The following GPC6 variants were observed in gnomAD, a reference collection of about 807,000 sequenced individuals.
GPC6 encodes glypican-6.
A neutral mutation model predicts 55.2 loss-of-function variants in GPC6; 14 were observed. The ratio of observed to expected loss-of-function variants is 0.25; its 90% CI spans 0.17 to 0.40. The LOEUF is 0.40. Ranked by LOEUF, GPC6 falls within the 10% of genes least tolerant of loss-of-function variation. The pLI, the probability that GPC6 is intolerant of heterozygous loss-of-function variation, is 1.00. For missense variants in GPC6, 641 were observed against 708.5 expected (o/e 0.90, Z 1.08); for synonymous variants, 278 against 259.6 (o/e 1.07, Z -0.68).
In GPC6 at chr13:94,306,118, C is replaced by A. The variant is rs771182029; in HGVS notation, c.1147C>A (p.Arg383=). The A allele has an allele frequency of 1.2e-6, 2 of 1,614,096 alleles. No individual in the cohort carries two copies. The highest frequency in any genetic ancestry group is 3.3e-5 in the Admixed American group (2 of 60,018). The change falls in exon 6 of 9, where the codon CGG becomes AGG. Residue 383 remains arginine (R), a synonymous_variant. Coordinates refer to ENST00000377047, the MANE Select transcript of GPC6 (RefSeq NM_005708.5). ...PTTAAGTSLD[R]LVTDIKEKLK... The stretch of plus-strand genomic sequence containing the variant: ...AACTGCTGCAGGCACAAGCTTGGAC[C>A]GGCTGGTGAGTATTCACAGATTGAT...
intron 3 of GPC6, among the ~76,000 whole-genome samples, chr13:93,933,649 T>C (rs1878291222): frequency 6.6e-6 from 1 of 152,218 alleles, no homozygotes; most frequent in African/African-American, 2.4e-5. Flanking sequence ...GAAGAATGGT[T>C]GGCATATATT....
At chr13:93,682,045 G>T (rs1881863125) in intron 2 of GPC6, among the ~76,000 whole-genome samples, 1 of 151,878 alleles carries the variant, frequency 6.6e-6, no homozygotes, top group African/African-American at 2.4e-5. Context: ...GAAAATATTG[G>T]CTCATAACTA....
intron 3 of GPC6, among the ~76,000 whole-genome samples, chr13:93,910,708 A>G (rs987262737): frequency 2.0e-5 from 3 of 152,234 alleles, no homozygotes; most frequent in African/African-American, 7.2e-5. Flanking sequence ...GCATCAGGAA[A>G]GGGAGGGATT....
intron 2 of GPC6, among the ~76,000 whole-genome samples, chr13:93,583,662 C>T (rs1346019232): frequency 6.6e-6 from 1 of 152,140 alleles, no homozygotes; most frequent in Non-Finnish European, 1.5e-5. Context: ...GGTGATCCAC[C>T]GCCTCTGTCT....
chr13:93,972,179 A>C (rs377275728), intron 3 of GPC6, among the ~76,000 whole-genome samples: 1 of 152,174 alleles, frequency 6.6e-6, no homozygotes, highest in African/African-American at 2.4e-5. Flanking sequence ...CCCCAAGCAC[A>C]CTTCACTTTG....
intron 1 of GPC6, among the ~76,000 whole-genome samples, chr13:93,363,138 A>ATTTTT (rs1881106917): frequency 8.7e-6 from 1 of 114,306 alleles, no homozygotes; most frequent in African/African-American, 3.4e-5. Flanking sequence ...TGTTTTTTTT[A>ATTTTT]AAATTATTAT....
At chr13:93,656,586 T>A (rs1438818637) in intron 2 of GPC6, among the ~76,000 whole-genome samples, 2 of 152,134 alleles carry the variant, frequency 1.3e-5, no homozygotes, top group Non-Finnish European at 2.9e-5. Flanking sequence ...CAGTTTTCAC[T>A]CATTTCTGCT....
chr13:93,619,767 A>G (rs1014675829), intron 2 of GPC6, among the ~76,000 whole-genome samples: 1 of 151,936 alleles, frequency 6.6e-6, no homozygotes, highest in Non-Finnish European at 1.5e-5. Flanking sequence ...ATATCTTACA[A>G]TTTTGTATTA....
chr13:94,224,153 G>A (rs1178234204), intron 4 of GPC6, among the ~76,000 whole-genome samples: 1 of 151,786 alleles, frequency 6.6e-6, no homozygotes, highest in African/African-American at 2.4e-5. Flanking sequence ...GAAAACATGT[G>A]TGTTAGATAA....
chr13:93,834,801 G>T (rs2138988672), intron 3 of GPC6, among the ~76,000 whole-genome samples: 1 of 152,196 alleles, frequency 6.6e-6, no homozygotes, highest in South Asian at 2.1e-4. Context: ...GTTCCATATT[G>T]TGCTAAGTGA....
At chr13:94,397,943 A>G (rs1880963023) in intron 7 of GPC6, among the ~76,000 whole-genome samples, 1 of 152,158 alleles carries the variant, frequency 6.6e-6, no homozygotes, top group Non-Finnish European at 1.5e-5. Context: ...TGTTCTCATG[A>G]TAGTGAGTTC....
At chr13:93,420,452 G>A (rs1016081279) in intron 1 of GPC6, among the ~76,000 whole-genome samples, 25 of 152,028 alleles carry the variant, frequency 1.6e-4, no homozygotes, top group African/African-American at 4.8e-4. Flanking sequence ...CTCAGAGGGA[G>A]TGAGCTTGCT....
intron 2 of GPC6, among the ~76,000 whole-genome samples, chr13:93,686,535 C>T (rs961246453): frequency 1.3e-5 from 2 of 152,172 alleles, no homozygotes; most frequent in East Asian, 3.9e-4. Flanking sequence ...TGGTTATTGG[C>T]ATATAATCTT....
chr13:93,498,749 G>A (rs187617601), intron 1 of GPC6, among the ~76,000 whole-genome samples: 2 of 152,240 alleles, frequency 1.3e-5, no homozygotes, highest in Admixed American at 6.5e-5. Flanking sequence ...GTTATCAGCA[G>A]CATTAAAATG....
chr13:94,046,104 C>T (rs1883723352), intron 4 of GPC6, among the ~76,000 whole-genome samples: 2 of 151,606 alleles, frequency 1.3e-5, no homozygotes, highest in African/African-American at 4.8e-5. Context: ...CAGCGGACTG[C>T]CAACAAAAAA....
At chr13:93,808,749 C>T (rs781363889) in intron 2 of GPC6, among the ~76,000 whole-genome samples, 10 of 152,184 alleles carry the variant, frequency 6.6e-5, no homozygotes, top group Non-Finnish European at 1.2e-4. Context: ...GTGTTTCAGA[C>T]ACTCTTTATG....
intron 3 of GPC6, among the ~76,000 whole-genome samples, chr13:93,926,018 C>T (rs973946228): frequency 4.6e-5 from 7 of 152,160 alleles, no homozygotes; most frequent in African/African-American, 1.4e-4. Flanking sequence ...GGCATCTTCA[C>T]AGCATGTAGA....
Position 93,694,399 on chromosome 13 carries a change from C to T in GPC6, c.320-135755C>T, listed in dbSNP as rs149055634. ...TTGCCTATTTCAAAATATATTTTCC[C>T]GTATAGCTTATTGTATGTTATTCAA... is the stretch of plus-strand genomic sequence containing the variant. On this transcript the variant is annotated intron_variant, in intron 2 of 8. Transcript: ENST00000377047. 2.2e-3 allele frequency among the ~76,000 whole-genome samples: 340 copies of T among 152,188 alleles called. 2 individuals are homozygous for T. Among genetic ancestry groups the T allele is most frequent in the African/African-American group, 7.5e-3 (313 of 41,528 alleles).
chr13:93,710,009 C>T (rs932019712), intron 2 of GPC6, among the ~76,000 whole-genome samples: 5 of 151,736 alleles, frequency 3.3e-5, no homozygotes, highest in Admixed American at 6.6e-5. Flanking sequence ...GTTTACATAG[C>T]TTACTTCCCC....
Sources: allele counts gnomAD v4.1 joint callset (sites outside exome capture counted in the v4.1 genomes callset), GRCh38; gene constraint gnomAD v4.1.1; transcripts MANE v1.5; gene names NCBI Gene and HGNC (gene_info 2026-07-23, HGNC 2026-07-21).